MCUR1: variants seen among roughly 807,000 people sequenced by gnomAD.
MCUR1 encodes MCU regulator 1.
A neutral mutation model predicts 42.0 loss-of-function variants in MCUR1; 37 were observed. That is an observed-to-expected ratio of 0.88 (90% CI 0.68 to 1.16). The LOEUF is 1.16. Ranked by LOEUF, MCUR1 falls within the 50% of genes most tolerant of loss-of-function variation. The probability of loss-of-function intolerance (pLI) is 0.00; values close to 1 mark genes in which losing one functional copy is unlikely to be tolerated. For missense variants in MCUR1, 469 were observed against 468.4 expected (o/e 1.00, Z -0.01); for synonymous variants, 229 against 196.2 (o/e 1.17, Z -1.40).
intron 8 of MCUR1, among the ~76,000 whole-genome samples, chr6:13,791,224 AG>A (rs1354483988): frequency 1.3e-5 from 2 of 152,214 alleles, no homozygotes; most frequent in Non-Finnish European, 2.9e-5. Context: ...TGTAGAGACT[AG>A]GTCTCGCTGT....
In MCUR1 at chr6:13,789,201, G is replaced by C. The variant is rs1759669884; in HGVS notation, c.*1608C>G. 1 of 152,264 alleles carries C rather than the reference G, an allele frequency of 6.6e-6. No individual in the cohort carries two copies. Among genetic ancestry groups the C allele is most frequent in the Admixed American group, 6.5e-5 (1 of 15,276 alleles). 9.4% of individuals were successfully genotyped at this position (152,264 alleles called of 1,614,324 possible). On this transcript the variant is annotated 3_prime_UTR_variant, in exon 9 of 9. Coordinates refer to ENST00000379170, the MANE Select transcript of MCUR1 (RefSeq NM_001031713.4). ...GTGAATCACGAGGTCAGGAGTTAGA[G>C]ACCAGCCTGGCCAACATGGTGAAAC...
At chr6:13,794,162 A>C (rs2113455747) in intron 6 of MCUR1, among the ~76,000 whole-genome samples, 1 of 150,422 alleles carries the variant, frequency 6.6e-6, no homozygotes, top group East Asian at 2.0e-4. Context: ...CATGTTGCCC[A>C]GGCTGGTCTC....
rs1275937073 is a variant in MCUR1, at chr6:13,787,840, G to A, written c.*2969C>T. 1 of 152,122 alleles carries A rather than the reference G, an allele frequency of 6.6e-6. No homozygotes were observed. Among genetic ancestry groups the A allele is most frequent in the African/African-American group, 2.4e-5 (1 of 41,426 alleles). The allele number at this position is 152,122 out of a possible 1,614,324, so 9.4% of individuals were successfully genotyped here. On this transcript the variant is annotated 3_prime_UTR_variant, in exon 9 of 9. Transcript: ENST00000379170. ...AAGTAATCTGAATCCTTATAAGCCA[G>A]GGTAGCTCAGGAGGTTCTATTTACT...
chr6:13,797,694 C>T lies in MCUR1; in HGVS notation c.855+1139G>A, dbSNP rs150253947. Among the ~76,000 whole-genome samples the T allele has an allele frequency of 3.7e-3, 540 of 144,956 alleles. 2 individuals carry two copies. Among genetic ancestry groups the T allele is most frequent in the African/African-American group, 0.013 (516 of 38,992 alleles). On this transcript the variant is annotated intron_variant, in intron 6 of 8. Coordinates refer to ENST00000379170, the MANE Select transcript of MCUR1 (RefSeq NM_001031713.4). The stretch of plus-strand genomic sequence containing the variant: ...CTGCACTCCAGCCTGGGTGACAGAG[C>T]GAGACTCCGCCTCAAACAAAAACAA...
At chr6:13,797,508 A>C (rs920493154) in intron 6 of MCUR1, among the ~76,000 whole-genome samples, 3 of 151,780 alleles carry the variant, frequency 2.0e-5, no homozygotes, top group Non-Finnish European at 4.4e-5. Flanking sequence ...GGAGATCGAC[A>C]CCATCCTGGC....
chr6:13,809,110 T>C (rs1253367630), intron 1 of MCUR1, among the ~76,000 whole-genome samples: 2 of 152,216 alleles, frequency 1.3e-5, no homozygotes, highest in Admixed American at 1.3e-4. Context: ...TATTTCCCTA[T>C]GAATTTTAGG....
intron 2 of MCUR1, among the ~76,000 whole-genome samples, chr6:13,804,819 A>C (rs1760081847): frequency 1.3e-5 from 2 of 149,230 alleles, no homozygotes; most frequent in Non-Finnish European, 3.0e-5. Flanking sequence ...AAAAAAGTGG[A>C]AGTCTGAAAA....
At position 13,797,715 on chromosome 6, in the gene MCUR1, A is replaced by AGG. The variant is rs1759889175; in HGVS notation, c.855+1117_855+1118insCC. ...AGAGCGAGACTCCGCCTCAAACAAA[A>AGG]ACAAAGAAAAAAAAAACACACTTGC... On this transcript the variant is annotated intron_variant, in intron 6 of 8. Transcript: ENST00000379170. 2.0e-5 allele frequency among the ~76,000 whole-genome samples: 3 copies of AGG among 150,140 alleles called. No homozygotes were observed. The South Asian group carries it at 6.4e-4, about 32-fold the overall frequency.
chr6:13,805,261 G>C (rs1304288975), intron 2 of MCUR1, among the ~76,000 whole-genome samples: 1 of 151,822 alleles, frequency 6.6e-6, no homozygotes, highest in Admixed American at 6.6e-5. Context: ...TGAAGTGCTG[G>C]GATTACAGGC....
At position 13,814,482 on chromosome 6, in the gene MCUR1, C is replaced by T. The variant is rs1760331886; in HGVS notation, c.-53G>A. On this transcript the variant is annotated 5_prime_UTR_variant, in exon 1 of 9. Transcript: ENST00000379170. ...GCGCTCATGCCTCTCGCTTTTGGCG[C>T]CGGCCACGCGCGGTCCAGGCCCAGA... The T allele has an allele frequency of 7.0e-7, 1 of 1,423,798 alleles. No individual in the cohort carries two copies. The highest frequency in any genetic ancestry group is 1.5e-5 in the South Asian group (1 of 68,506). 88.2% of individuals were successfully genotyped at this position (1,423,798 alleles called of 1,614,324 possible).
In MCUR1 at chr6:13,802,319, A is replaced by G. The variant is rs751007556; in HGVS notation, c.563T>C (p.Ile188Thr). The change falls in exon 3 of 9, where the codon ATT (isoleucine) becomes ACT (threonine). Residue 188 changes from isoleucine to threonine, a missense_variant. Ile to Thr is a moderately conservative substitution (Grantham distance 89). Coordinates refer to ENST00000379170, the MANE Select transcript of MCUR1 (RefSeq NM_001031713.4). ...CAGGATCTTGACCAATGCAGACACA[A>G]TGATTTCTGCTTGTTGAGTAGCAAA... ...NGFATQQAEIIVSALVKILEA... is the reference protein window; with the variant it reads ...NGFATQQAEITVSALVKILEA... The G allele has an allele frequency of 6.2e-7, 1 of 1,613,654 alleles. No homozygotes were observed. The highest frequency in any genetic ancestry group is 1.3e-5 in the African/African-American group (1 of 74,930).
rs1760301228 is a variant in MCUR1, at chr6:13,814,025, G to A, written c.405C>T (p.Ser135=). 9.7e-6 allele frequency: 12 copies of A among 1,235,998 alleles called. No individual in the cohort carries two copies. The highest frequency in any genetic ancestry group is 1.1e-5 in the Non-Finnish European group (11 of 990,450). The allele number at this position is 1,235,998 out of a possible 1,614,324, so 76.6% of individuals were successfully genotyped here. The change falls in exon 1 of 9, where the codon TCC becomes TCT. Residue 135 remains serine, a synonymous_variant. Transcript: ENST00000379170. ...QYHGPAPALV[S]CRRELSLSAG... is the part of the protein sequence containing the mutation. ...CCGCCCGGGCCTCACCTCTCCTGCA[G>A]GAAACGAGTGCAGGCGCCGGGCCGT...
chr6:13,803,404 T>C (rs1171157518), intron 2 of MCUR1, among the ~76,000 whole-genome samples: 5 of 152,232 alleles, frequency 3.3e-5, no homozygotes, highest in African/African-American at 7.2e-5. Context: ...GTAACTCCTA[T>C]TTAACATAAA....
intron 3 of MCUR1, among the ~76,000 whole-genome samples, 169 bp from the exon 4 acceptor site, chr6:13,801,558 A>G (rs965692235): frequency 1.3e-5 from 2 of 152,156 alleles, no homozygotes; most frequent in Non-Finnish European, 2.9e-5. Flanking sequence ...GAAAAAAACA[A>G]CACATATCTG....
intron 2 of MCUR1, among the ~76,000 whole-genome samples, chr6:13,802,655 G>GA (rs1041623510): frequency 2.6e-5 from 4 of 151,974 alleles, no homozygotes; most frequent in African/African-American, 9.7e-5. Flanking sequence ...AACATCAAGT[G>GA]AAAAAAGGCA....
At chr6:13,794,638 GT>G (rs11411080) in intron 6 of MCUR1, among the ~76,000 whole-genome samples, 42 of 143,720 alleles carry the variant, frequency 2.9e-4, no homozygotes, top group Admixed American at 6.3e-4. Flanking sequence ...CACATGTTGG[GT>G]TTTTTTTTTT....
At chr6:13,793,972 C>T in intron 6 of MCUR1, 25 bp from the exon 7 acceptor site, 1 of 1,609,622 alleles carries the variant, frequency 6.2e-7, no homozygotes, top group Non-Finnish European at 8.5e-7. Context: ...TAACATGGGT[C>T]AGATTCTGAT....
In MCUR1 at chr6:13,790,122, A is replaced by T. The variant is rs1759695863; in HGVS notation, c.*687T>A. The stretch of plus-strand genomic sequence containing the variant: ...CTTGGTTTAGCTTCAGTGATTTTCC[A>T]GCACTTATTAAAGCCATTGTGCCCT... On this transcript the variant is annotated 3_prime_UTR_variant, in exon 9 of 9. Transcript: ENST00000379170. The T allele has an allele frequency of 6.6e-6, 1 of 152,238 alleles. No individual in the cohort carries two copies. Among genetic ancestry groups the T allele is most frequent in the Non-Finnish European group, 1.5e-5 (1 of 68,076 alleles). 9.4% of individuals were successfully genotyped at this position (152,238 alleles called of 1,614,324 possible).
At chr6:13,798,480 TAATC>T (rs1239444972) in intron 6 of MCUR1, among the ~76,000 whole-genome samples, 1 of 152,046 alleles carries the variant, frequency 6.6e-6, no homozygotes, top group Non-Finnish European at 1.5e-5. Flanking sequence ...AAGCCTGAAA[TAATC>T]AACTTAACTT....
Sources: gnomAD v4.1 joint callset for allele counts (sites outside exome capture counted in the v4.1 genomes callset) on GRCh38, gnomAD v4.1.1 for gene constraint, MANE v1.5 for transcripts, NCBI Gene and HGNC (gene_info 2026-07-23, HGNC 2026-07-21) for gene names.